The following PDXDC1 variants were observed in gnomAD, a reference collection of about 807,000 sequenced individuals.
The protein encoded by PDXDC1 is pyridoxal dependent decarboxylase domain containing 1, also known as pyridoxal-dependent decarboxylase domain-containing protein 1.
In PDXDC1, 42 loss-of-function variants were observed where a neutral mutation model predicts 100.1. The observed-to-expected ratio is 0.42, with a 90% CI of 0.33 to 0.54. The LOEUF (loss-of-function observed/expected upper bound fraction) is 0.54, where lower values mean the gene tolerates loss of function less well. Among genes scored for constraint, PDXDC1 ranks in the 20% least tolerant of loss-of-function variants. The probability of loss-of-function intolerance (pLI) is 0.10; values close to 1 mark genes in which losing one functional copy is unlikely to be tolerated. For missense variants in PDXDC1, 636 were observed against 979.2 expected, an observed-to-expected ratio of 0.65 and a Z score of 4.68; for synonymous variants, 260 against 371.7, an observed-to-expected ratio of 0.70 and a Z score of 3.46.
chr16:15,082,668 C>A (rs2045755908), intron 16 of PDXDC1, among the ~76,000 whole-genome samples: 1 of 151,420 alleles, frequency 6.6e-6, no homozygotes, highest in Admixed American at 6.6e-5. Context: ...CGGAGACTGT[C>A]CCCCCACCCC....
chr16:15,003,962 C>T (rs1168340857), intron 4 of PDXDC1, among the ~76,000 whole-genome samples: 3 of 152,258 alleles, frequency 2.0e-5, no homozygotes, highest in Admixed American at 2.0e-4. Flanking sequence ...CCAGCTTGGG[C>T]ATCAAGAGGG....
chr16:15,094,454 G>C, intron 16 of PDXDC1: 1 of 584,600 alleles, frequency 1.7e-6, no homozygotes, highest in Non-Finnish European at 3.0e-6. Flanking sequence ...GTGAGTATAA[G>C]GAGAGACGGG....
intron 13 of PDXDC1, chr16:15,025,283 T>G (rs1197442765): frequency 6.6e-6 from 1 of 152,396 alleles, no homozygotes. Flanking sequence ...ATCATAATAT[T>G]CATAGCAGTC....
At chr16:15,134,073 C>T (rs781037715) in intron 16 of PDXDC1, 86 of 1,568,616 alleles carry the variant, frequency 5.5e-5, no homozygotes, top group Non-Finnish European at 6.5e-5. Context: ...TGCAGCCCAC[C>T]GCTGCAGGCA....
chr16:15,001,595 T>C (rs1973165819), intron 3 of PDXDC1, among the ~76,000 whole-genome samples, 181 bp from the exon 4 acceptor site: 1 of 152,302 alleles, frequency 6.6e-6, no homozygotes, highest in African/African-American at 2.4e-5. Context: ...CGGAATTCAG[T>C]TTATAATTTG....
intron 16 of PDXDC1, chr16:15,133,680 C>A: frequency 1.9e-6 from 3 of 1,589,008 alleles, no homozygotes; most frequent in Non-Finnish European, 2.6e-6. Flanking sequence ...AGCGGGGCGC[C>A]AGCATCCTCC....
chr16:14,989,576 G>T, intron 1 of PDXDC1: 2 of 1,611,178 alleles, frequency 1.2e-6, no homozygotes, highest in Admixed American at 3.3e-5. Flanking sequence ...GTCGGCCCCT[G>T]TGCGCCAGAA....
chr16:14,997,317 A>G (rs1163393640), intron 1 of PDXDC1, among the ~76,000 whole-genome samples: 1 of 152,290 alleles, frequency 6.6e-6, no homozygotes, highest in Admixed American at 6.5e-5. Flanking sequence ...CGGGCAGATC[A>G]CTTGAGGTCA....
intron 4 of PDXDC1, among the ~76,000 whole-genome samples, chr16:15,003,443 C>T (rs1973608673): frequency 6.6e-6 from 1 of 152,168 alleles, no homozygotes; most frequent in East Asian, 1.9e-4. Flanking sequence ...GTCTCAATCT[C>T]CTGACCTCGT....
rs4125495 is a variant in PDXDC1 at position 15,104,958 on chromosome 16, C to T, written c.1400-33921C>T. Among the ~76,000 whole-genome samples, 453 of 151,900 alleles carry T rather than the reference C, an allele frequency of 3.0e-3. 2 individuals are homozygous for T. The highest frequency in any genetic ancestry group is 0.014 in the Middle Eastern group (4 of 294). On this transcript the variant is annotated intron_variant, in intron 16 of 16. Transcript: ENST00000535621. Reference sequence around the variant, plus strand: ...ACAGCTGGGGGGTAAAGAAAAGTCACTGGGACACACTGTTGTCTCCACATG... The same window carrying T: ...ACAGCTGGGGGGTAAAGAAAAGTCATTGGGACACACTGTTGTCTCCACATG...
the PDXDC1 span, among the ~76,000 whole-genome samples, chr16:15,144,584 G>A: frequency 6.6e-6 from 1 of 152,156 alleles, no homozygotes; most frequent in Admixed American, 6.5e-5. Flanking sequence ...GACACGGGGT[G>A]TGAGACTAGC....
downstream of PDXDC1, among the ~76,000 whole-genome samples, chr16:15,041,945 A>G (rs533719533): frequency 6.6e-6 from 1 of 152,272 alleles, no homozygotes; most frequent in African/African-American, 2.4e-5. Context: ...CTTCATTCTG[A>G]GAGTTTTGCG....
the PDXDC1 span, among the ~76,000 whole-genome samples, chr16:15,147,691 AT>A: frequency 6.6e-6 from 1 of 151,528 alleles, no homozygotes; most frequent in Non-Finnish European, 1.5e-5. Flanking sequence ...CATGCTCAGC[AT>A]TTTTTTGTTT....
Position 15,128,310 on chromosome 16 carries a change from G to T in PDXDC1, c.1400-10569G>T, listed in dbSNP as rs200050142. 287 of 1,610,226 alleles carry T rather than the reference G, an allele frequency of 1.8e-4. 1 individual carries two copies. The Middle Eastern group carries it at 5.0e-3, about 28-fold the overall frequency. On this transcript the variant is annotated intron_variant, in intron 16 of 16. Coordinates refer to the PDXDC1 transcript ENST00000535621. ...AGATGTCCAGGCTGTTGCGGTGGAAGGCTCTGTCGCCATCCAGGTGCCGGT... is the reference window on the plus strand; with the variant it reads ...AGATGTCCAGGCTGTTGCGGTGGAATGCTCTGTCGCCATCCAGGTGCCGGT...
chr16:15,072,911 A>G (rs1175640104), intron 16 of PDXDC1: 12 of 1,601,996 alleles, frequency 7.5e-6, no homozygotes, highest in African/African-American at 1.4e-5. Context: ...GGGCAAAAAC[A>G]AAGTAAGCTA....
rs775063463 is a variant in PDXDC1, at chr16:15,017,426, A to G, written c.963+4A>G. 17 of 1,613,898 alleles carry G rather than the reference A, an allele frequency of 1.1e-5. No individual in the cohort carries two copies. Among genetic ancestry groups the G allele is most frequent in the Non-Finnish European group, 1.4e-5 (17 of 1,179,784 alleles). ...TAAACACGATGACCCTGCCTTGGTA[A>G]GTTTCCACTCACTGGGGAGGGAGTG... On this transcript the variant is annotated splice_donor_region_variant and intron_variant, in intron 11 of 22. Transcript: ENST00000396410.
intron 16 of PDXDC1, chr16:15,061,472 T>C (rs1190165728): frequency 1.1e-5 from 4 of 379,642 alleles, no homozygotes; most frequent in Admixed American, 4.4e-5. Context: ...AAAATGTACA[T>C]ATTAAACAAG....
chr16:15,022,892 A>G (rs2042314605), intron 13 of PDXDC1, 138 bp downstream of exon 13: 3 of 765,262 alleles, frequency 3.9e-6, no homozygotes, highest in African/African-American at 3.6e-5. Flanking sequence ...AAACAAAACA[A>G]AAAAACGAAA....
intron 16 of PDXDC1, among the ~76,000 whole-genome samples, chr16:15,109,855 T>TG (rs2046967829): frequency 9.3e-6 from 1 of 107,586 alleles, no homozygotes; most frequent in Non-Finnish European, 2.0e-5. Context: ...TCTCAAAATT[T>TG]AAAAAAAAAA....
Sources: allele counts gnomAD v4.1 joint callset (sites outside exome capture counted in the v4.1 genomes callset), GRCh38; gene constraint gnomAD v4.1.1; transcripts MANE v1.5; gene names NCBI Gene and HGNC (gene_info 2026-07-23, HGNC 2026-07-21).